The following ZC3H3 variants were observed in gnomAD, a reference collection of about 807,000 sequenced individuals.
ZC3H3 encodes the protein zinc finger CCCH-type containing 3.
A neutral mutation model predicts 77.3 loss-of-function variants in ZC3H3; 36 were observed. The ratio of observed to expected loss-of-function variants is 0.47; its 90% CI spans 0.36 to 0.61. The LOEUF (loss-of-function observed/expected upper bound fraction) is 0.61, where lower values mean the gene tolerates loss of function less well. Ranked by LOEUF, ZC3H3 falls within the 20% of genes least tolerant of loss-of-function variation. The pLI, the probability that ZC3H3 is intolerant of heterozygous loss-of-function variation, is 0.00. For synonymous variants in ZC3H3, 626 were observed against 555.2 expected, an observed-to-expected ratio of 1.13 and a Z score of -1.79; for missense variants, 1,331 against 1,312.2, an observed-to-expected ratio of 1.01 and a Z score of -0.22.
At chr8:143,517,901 G>A (rs1027457626) in intron 3 of ZC3H3, among the ~76,000 whole-genome samples, 1 of 152,222 alleles carries the variant, frequency 6.6e-6, no homozygotes, top group Non-Finnish European at 1.5e-5. Context: ...ATACTCGAGG[G>A]CGGAAGAGCA....
intron 4 of ZC3H3, among the ~76,000 whole-genome samples, chr8:143,485,879 G>C (rs575062139): frequency 1.3e-5 from 2 of 152,258 alleles, no homozygotes; most frequent in Non-Finnish European, 2.9e-5. Context: ...GCCAGCCAGC[G>C]GGATGGGCGT....
intron 9 of ZC3H3, among the ~76,000 whole-genome samples, chr8:143,442,449 A>AGGGGGGGGGGGGGGG: frequency 1.3e-5 from 1 of 79,864 alleles, no homozygotes; most frequent in African/African-American, 4.5e-5. Flanking sequence ...GGGGGGGGGC[A>AGGGGGGGGGGGGGGG]GGGGCAGTGG....
At position 143,494,338 on chromosome 8, in the gene ZC3H3, C is replaced by T. The variant is rs1208058795; in HGVS notation, c.1715+13408G>A. On this transcript the variant is annotated intron_variant, in intron 4 of 11. Coordinates refer to ENST00000262577, the MANE Select transcript of ZC3H3 (RefSeq NM_015117.3). This position sits in a 1 kb window ranked among gnomAD's most constrained non-coding sequence, Gnocchi z 5.3. ...GAGCGTGAGTGAGCAGCTCAGGCTA[C>T]GGGACCGGTGGCAGCCCGCCAGCCC... 1.3e-5 allele frequency among the ~76,000 whole-genome samples: 2 copies of T among 152,240 alleles called. No homozygotes were observed. Among genetic ancestry groups the T allele is most frequent in the Admixed American group, 6.5e-5 (1 of 15,288 alleles).
At chr8:143,473,981 G>C (rs1050984847) in intron 5 of ZC3H3, among the ~76,000 whole-genome samples, 3 of 152,120 alleles carry the variant, frequency 2.0e-5, no homozygotes, top group African/African-American at 7.2e-5. Flanking sequence ...TCCAGAGTCC[G>C]AGGATCAGAG....
At chr8:143,468,571 G>A in intron 6 of ZC3H3, 31 bp from the exon 7 acceptor site, 2 of 1,597,438 alleles carry the variant, frequency 1.3e-6, no homozygotes, top group South Asian at 1.1e-5. Context: ...GCGTGAGCCT[G>A]AGGGCGAGCA....
At chr8:143,473,250 GC>G (rs1338983105) in intron 5 of ZC3H3, among the ~76,000 whole-genome samples, 2 of 151,800 alleles carry the variant, frequency 1.3e-5, no homozygotes, top group Admixed American at 1.3e-4. Flanking sequence ...GATGCCTCAC[GC>G]CCCCTCCCAC....
In ZC3H3 at chr8:143,441,126, G is replaced by A. The variant is rs923202692; in HGVS notation, c.2308-6C>T. The A allele has an allele frequency of 7.1e-7, 1 of 1,412,174 alleles. No homozygotes were observed. Among genetic ancestry groups the A allele is most frequent in the East Asian group, 3.0e-5 (1 of 33,502 alleles). The allele number at this position is 1,412,174 out of a possible 1,614,324, so 87.5% of individuals were successfully genotyped here. The stretch of plus-strand genomic sequence containing the variant: ...AGCGTGTGTTTCTTCTTGCACTGCA[G>A]AGAGAAGGGGTGCAGGTGGGTGGGC... On this transcript the variant is annotated splice_region_variant and splice_polypyrimidine_tract_variant and intron_variant, in intron 9 of 11. Transcript: ENST00000262577.
At chr8:143,531,202 AC>A (rs1344481078) in intron 3 of ZC3H3, among the ~76,000 whole-genome samples, 1 of 151,094 alleles carries the variant, frequency 6.6e-6, no homozygotes, top group African/African-American at 2.4e-5. Context: ...TCAAGTAATC[AC>A]CCGCCTCAGC....
intron 9 of ZC3H3, among the ~76,000 whole-genome samples, chr8:143,451,022 C>G (rs1819974664): frequency 6.6e-6 from 1 of 152,106 alleles, no homozygotes; most frequent in South Asian, 2.1e-4. Context: ...TCTACCCTGA[C>G]CAGTGAACAA....
intron 8 of ZC3H3, 142 bp from the exon 9 acceptor site, chr8:143,465,990 C>A: frequency 1.6e-6 from 2 of 1,231,722 alleles, no homozygotes; most frequent in Non-Finnish European, 1.1e-6. Context: ...GCCACCACGA[C>A]CTGCGGGGCA....
intron 9 of ZC3H3, among the ~76,000 whole-genome samples, chr8:143,442,579 C>A (rs1179050864): frequency 1.3e-5 from 2 of 152,142 alleles, no homozygotes; most frequent in Non-Finnish European, 2.9e-5. Context: ...ATTGCCAAGG[C>A]TGCGGGTGCA....
At chr8:143,464,184 A>C (rs1263497337) in intron 9 of ZC3H3, among the ~76,000 whole-genome samples, 2 of 152,258 alleles carry the variant, frequency 1.3e-5, no homozygotes, top group African/African-American at 4.8e-5. Flanking sequence ...GCTATCCATC[A>C]TGCGGGCGCC....
chr8:143,470,282 C>T (rs1375054063), intron 5 of ZC3H3, among the ~76,000 whole-genome samples: 14 of 152,222 alleles, frequency 9.2e-5, no homozygotes, highest in South Asian at 2.1e-4. Flanking sequence ...GAGTGGCCAG[C>T]GAGCCCGGCT....
chr8:143,476,471 G>A (rs949055822), intron 4 of ZC3H3, among the ~76,000 whole-genome samples: 11 of 152,222 alleles, frequency 7.2e-5, no homozygotes, highest in Non-Finnish European at 1.6e-4. Context: ...AAGGGGCAGA[G>A]TAAGACAAGA....
chr8:143,495,656 A>G (rs1003727107), intron 4 of ZC3H3, among the ~76,000 whole-genome samples: 2 of 152,044 alleles, frequency 1.3e-5, no homozygotes, highest in Non-Finnish European at 2.9e-5. Flanking sequence ...GTCAGGGCTC[A>G]TTGTAACCTC....
chr8:143,445,345 T>C (rs1161816074), intron 9 of ZC3H3, among the ~76,000 whole-genome samples: 1 of 146,344 alleles, frequency 6.8e-6, no homozygotes, highest in Non-Finnish European at 1.5e-5. Flanking sequence ...TGCACCATTG[T>C]AGTCCAGCCT....
intron 3 of ZC3H3, chr8:143,523,385 C>T (rs1049048224): frequency 3.0e-6 from 3 of 985,246 alleles, no homozygotes; most frequent in African/African-American, 3.5e-5. Context: ...AATGCTGCCG[C>T]GACGCCCCTG....
At position 143,471,294 on chromosome 8, in the gene ZC3H3, C is replaced by G. The variant is rs534052045; in HGVS notation, c.1904-2635G>C. Among the ~76,000 whole-genome samples the G allele has an allele frequency of 1.9e-3, 294 of 152,366 alleles. 1 individual carries two copies. Among genetic ancestry groups the G allele is most frequent in the Non-Finnish European group, 3.1e-3 (214 of 68,030 alleles). ...AGGCTGTGCCCTTGGGAGAAGGCAGCCAGCGGCAGAGGGTGCCCCAGAAGA... is the reference window on the plus strand; with the variant it reads ...AGGCTGTGCCCTTGGGAGAAGGCAGGCAGCGGCAGAGGGTGCCCCAGAAGA... On this transcript the variant is annotated intron_variant, in intron 5 of 11. Coordinates refer to ENST00000262577, the MANE Select transcript of ZC3H3 (RefSeq NM_015117.3).
intron 3 of ZC3H3, among the ~76,000 whole-genome samples, chr8:143,524,021 G>A (rs996978594): frequency 7.9e-5 from 12 of 152,246 alleles, no homozygotes; most frequent in African/African-American, 2.2e-4. Flanking sequence ...GGGGGAGGGC[G>A]CAAGCCTGGA....
Sources: allele counts gnomAD v4.1 joint callset (sites outside exome capture counted in the v4.1 genomes callset), GRCh38; gene constraint gnomAD v4.1.1; non-coding constraint Gnocchi (gnomAD v3.1); transcripts MANE v1.5; gene names NCBI Gene and HGNC (gene_info 2026-07-23, HGNC 2026-07-21).